The following WWOX variants were observed in gnomAD, a reference collection of about 807,000 sequenced individuals.
WWOX encodes WW domain containing oxidoreductase.
Under a neutral mutation model 46.2 loss-of-function variants are expected in WWOX, and 69 were observed. The observed-to-expected ratio is 1.49, with a 90% CI of 1.23 to 1.82. The LOEUF is 1.82. Ranked by LOEUF, WWOX falls within the 40% of genes most tolerant of loss-of-function variation. WWOX has a pLI of 0.00. For missense variants in WWOX, 919 were observed against 542.6 expected (o/e 1.69, Z -6.89); for synonymous variants, 359 against 202.6 (o/e 1.77, Z -6.56).
intron 8 of WWOX, among the ~76,000 whole-genome samples, chr16:78,778,738 C>T (rs530565060): frequency 6.6e-6 from 1 of 152,260 alleles, no homozygotes; most frequent in Admixed American, 6.5e-5. Context: ...GAAGACTTCT[C>T]TTGAAAAACT....
At chr16:78,781,764 G>T (rs1160503890) in intron 8 of WWOX, among the ~76,000 whole-genome samples, 1 of 152,104 alleles carries the variant, frequency 6.6e-6, no homozygotes, top group Admixed American at 6.5e-5. Context: ...AACAGAGCGA[G>T]GCTCCATCTC....
intron 8 of WWOX, among the ~76,000 whole-genome samples, chr16:79,132,303 G>C (rs9646324): frequency 1.3e-5 from 2 of 152,116 alleles, no homozygotes; most frequent in East Asian, 3.9e-4. Context: ...GGGCACCTAG[G>C]CTTTGATTTC....
intron 8 of WWOX, among the ~76,000 whole-genome samples, chr16:78,434,801 A>T (rs944226057): frequency 6.6e-6 from 1 of 152,156 alleles, no homozygotes; most frequent in African/African-American, 2.4e-5. Context: ...CATTTGTTGT[A>T]GACTCGAATG....
intron 8 of WWOX, among the ~76,000 whole-genome samples, chr16:78,566,491 C>T (rs115134142): frequency 0.02 from 3,094 of 152,234 alleles, 68 homozygotes; most frequent in African/African-American, 0.051. Flanking sequence ...TTGTCGCTGG[C>T]CTTGCTGTAA....
At chr16:78,687,091 T>TG (rs377312416) in intron 8 of WWOX, among the ~76,000 whole-genome samples, 605 of 54,914 alleles carry the variant, frequency 0.011, 4 homozygotes, top group African/African-American at 0.027. Context: ...TTAAAACACA[T>TG]TTTTTTTTCC....
chr16:78,685,360 C>T (rs1047514137), intron 8 of WWOX, among the ~76,000 whole-genome samples: 1 of 151,964 alleles, frequency 6.6e-6, no homozygotes, highest in Non-Finnish European at 1.5e-5. Flanking sequence ...TTGTATGTGT[C>T]TAATATTCAG....
chr16:79,165,846 A>C (rs1028653498), intron 8 of WWOX, among the ~76,000 whole-genome samples: 16 of 152,274 alleles, frequency 1.1e-4, no homozygotes, highest in African/African-American at 3.9e-4. Context: ...CGAACCGGGA[A>C]CAGGGTTATA....
At chr16:78,399,913 G>C (rs1343372124) in intron 6 of WWOX, among the ~76,000 whole-genome samples, 1 of 152,120 alleles carries the variant, frequency 6.6e-6, no homozygotes, top group Non-Finnish European at 1.5e-5. Flanking sequence ...CTAAAAACTT[G>C]AATATACATT....
At chr16:78,922,652 T>A (rs1490849293) in intron 8 of WWOX, among the ~76,000 whole-genome samples, 1 of 152,168 alleles carries the variant, frequency 6.6e-6, no homozygotes, top group Non-Finnish European at 1.5e-5. Flanking sequence ...GTGCTGGGAT[T>A]ACAGGCGTGA....
intron 8 of WWOX, among the ~76,000 whole-genome samples, chr16:79,068,557 G>A (rs888513315): frequency 2.6e-5 from 4 of 151,846 alleles, no homozygotes; most frequent in East Asian, 3.9e-4. Context: ...TAATCTCAAC[G>A]CTTTGGGAGG....
intron 8 of WWOX, among the ~76,000 whole-genome samples, chr16:78,680,021 T>A (rs1256979027): frequency 2.6e-5 from 4 of 152,222 alleles, no homozygotes; most frequent in African/African-American, 9.7e-5. Context: ...CTATCGGTTC[T>A]TTATTTTACC....
At chr16:79,128,926 G>T (rs1026308645) in intron 8 of WWOX, among the ~76,000 whole-genome samples, 1 of 152,184 alleles carries the variant, frequency 6.6e-6, no homozygotes, top group African/African-American at 2.4e-5. Flanking sequence ...AGGTGCCATT[G>T]TTGCCCAGTG....
At chr16:78,603,822 T>G (rs1270668524) in intron 8 of WWOX, among the ~76,000 whole-genome samples, 1 of 152,200 alleles carries the variant, frequency 6.6e-6, no homozygotes. Flanking sequence ...ACTCTCCATC[T>G]GACTCAGTGT....
At chr16:78,296,924 A>G (rs556815710) in intron 5 of WWOX, among the ~76,000 whole-genome samples, 15 of 152,216 alleles carry the variant, frequency 9.9e-5, no homozygotes, top group African/African-American at 3.6e-4. Context: ...GATTTGAGCA[A>G]TTCATTTTTT....
chr16:79,033,273 C>G (rs2047801216), intron 8 of WWOX, among the ~76,000 whole-genome samples: 1 of 146,840 alleles, frequency 6.8e-6, no homozygotes, highest in Non-Finnish European at 1.5e-5. Flanking sequence ...TTGCCCCCAC[C>G]AAATATTTAT....
chr16:78,751,035 A>C (rs548512463), intron 8 of WWOX, among the ~76,000 whole-genome samples: 2 of 152,152 alleles, frequency 1.3e-5, no homozygotes, highest in Admixed American at 1.3e-4. Context: ...GTCAAATGGT[A>C]ATTCTATTTT....
intron 5 of WWOX, among the ~76,000 whole-genome samples, chr16:78,195,219 C>G (rs2036010559): frequency 6.6e-6 from 1 of 152,178 alleles, no homozygotes; most frequent in African/African-American, 2.4e-5. Context: ...AGCTTGAGCA[C>G]TATGACCTGT....
At chr16:78,990,341 T>C (rs1482915257) in intron 8 of WWOX, among the ~76,000 whole-genome samples, 1 of 152,178 alleles carries the variant, frequency 6.6e-6, no homozygotes, top group Non-Finnish European at 1.5e-5. Flanking sequence ...AGATCCTCCT[T>C]GTGCCTTGAG....
At chr16:79,029,619 A>G (rs761399522) in intron 8 of WWOX, among the ~76,000 whole-genome samples, 11 of 152,196 alleles carry the variant, frequency 7.2e-5, no homozygotes, top group Non-Finnish European at 1.6e-4. Context: ...TTAGGGTAAT[A>G]TATTCTTATA....
Sources: allele counts gnomAD v4.1 joint callset (sites outside exome capture counted in the v4.1 genomes callset), GRCh38; gene constraint gnomAD v4.1.1; transcripts MANE v1.5; gene names NCBI Gene and HGNC (gene_info 2026-07-23, HGNC 2026-07-21).